The following SIRPB2 variants were observed in gnomAD, a reference collection of about 807,000 sequenced individuals.
SIRPB2 encodes the protein signal regulatory protein beta 2, also known as signal-regulatory protein beta-2.
In SIRPB2, 18 loss-of-function variants were observed where a neutral mutation model predicts 27.1. That is an observed-to-expected ratio of 0.66 (90% CI 0.46 to 0.98). The LOEUF (loss-of-function observed/expected upper bound fraction) is 0.98. SIRPB2 is among the 50% of genes least tolerant of loss of function. SIRPB2 has a pLI of 0.00. For missense variants in SIRPB2, 420 were observed against 417.4 expected (o/e 1.01, Z -0.06); for synonymous variants, 150 against 164.6 (o/e 0.91, Z 0.68).
At position 1,474,643 on chromosome 20, in the gene SIRPB2, A is replaced by T. The variant is rs1042487752; in HGVS notation, c.*1524T>A. The T allele has an allele frequency of 1.3e-5, 2 of 151,586 alleles. No homozygotes were observed. Among genetic ancestry groups the T allele is most frequent in the Non-Finnish European group, 2.9e-5 (2 of 68,120 alleles). The allele number at this position is 151,586 out of a possible 1,614,324, so 9.4% of individuals were successfully genotyped here. A position where few individuals can be genotyped will look rare whatever the true frequency, so the allele number is the denominator to read the frequency against. ...GGCTGGAGTGCAATGGCGCGATCTC[A>T]GCTCACTGCAGCCTCTGCCTCCCAG... is the stretch of plus-strand genomic sequence containing the variant. On this transcript the variant is annotated 3_prime_UTR_variant, in exon 5 of 5. Transcript: ENST00000359801.
intron 1 of SIRPB2, among the ~76,000 whole-genome samples, chr20:1,486,404 A>G (rs2090726939): frequency 6.6e-6 from 1 of 152,114 alleles, no homozygotes; most frequent in Non-Finnish European, 1.5e-5. Context: ...AAGAGATAAT[A>G]CCAATTTTAT....
intron 4 of SIRPB2, chr20:1,477,056 T>C: frequency 7.2e-7 from 1 of 1,395,800 alleles, no homozygotes; most frequent in Non-Finnish European, 9.4e-7. Flanking sequence ...AGCCTCACAG[T>C]GTGTCCCTAC....
rs530636619 is a variant in SIRPB2, at chr20:1,485,928, C to T, written c.85+5347G>A. ...CCTTGAAAAAGATACACTGCCAAAG[C>T]TTTCTCAAGAAGAAAAAGACAACCT... On this transcript the variant is annotated intron_variant, in intron 1 of 4. Coordinates refer to ENST00000359801, the MANE Select transcript of SIRPB2 (RefSeq NM_001122962.2). Among the ~76,000 whole-genome samples, 4 of 151,944 alleles carry T rather than the reference C, an allele frequency of 2.6e-5. No individual in the cohort carries two copies. The South Asian group carries it at 8.3e-4, about 31-fold the overall frequency.
chr20:1,477,134 G>T, intron 4 of SIRPB2: 1 of 1,535,250 alleles, frequency 6.5e-7, no homozygotes, highest in South Asian at 1.2e-5. Context: ...CATGGCCCTG[G>T]CTATGAGAAA....
At chr20:1,473,746 A>G, downstream of SIRPB2, 1 of 435,108 alleles carries the variant, frequency 2.3e-6, no homozygotes, top group South Asian at 1.6e-5. Context: ...CAGCTCATGC[A>G]GGGCCCTACA....
At chr20:1,477,314 C>A (rs779400821) in intron 4 of SIRPB2, 24 bp downstream of exon 4, 1 of 1,614,260 alleles carries the variant, frequency 6.2e-7, no homozygotes, top group South Asian at 1.1e-5. Flanking sequence ...GACTCATTGA[C>A]TCCACTGAGG....
chr20:1,490,840 A>C (rs1213739075), intron 1 of SIRPB2, among the ~76,000 whole-genome samples: 1 of 152,192 alleles, frequency 6.6e-6, no homozygotes, highest in African/African-American at 2.4e-5. Flanking sequence ...TGTGTTGCTC[A>C]ATACTTTTTG....
intron 4 of SIRPB2, 189 bp downstream of exon 4, chr20:1,477,149 G>A (rs756798552): frequency 1.2e-4 from 181 of 1,553,136 alleles, no homozygotes; most frequent in Non-Finnish European, 1.4e-4. Context: ...GAGAAAGTTC[G>A]TTATAGCTGA....
chr20:1,479,741 G>T lies in SIRPB2; in HGVS notation c.410C>A (p.Ser137Ter). 6.2e-7 allele frequency: 1 copy of T among 1,614,212 alleles called. No individual in the cohort carries two copies. The highest frequency in any genetic ancestry group is 8.5e-7 in the Non-Finnish European group (1 of 1,180,042). The change falls in exon 2 of 5, where the codon TCA (serine) becomes TAA (stop). Residue 137 changes from serine to a stop codon, truncating the protein, a stop_gained. Coordinates refer to ENST00000359801, the MANE Select transcript of SIRPB2 (RefSeq NM_001122962.2). LOFTEE classifies it high-confidence loss of function. ...CVRFDGLSEH[S>*]EMKSDEGTSV... The stretch of plus-strand genomic sequence containing the variant: ...GGTGCCTTCATCCGATTTCATTTCT[G>T]AGTGTTCACTCAAACCATCAAACCT...
chr20:1,487,515 CT>C (rs2090737807), intron 1 of SIRPB2, among the ~76,000 whole-genome samples: 2 of 152,188 alleles, frequency 1.3e-5, no homozygotes. Context: ...CTAATACCAC[CT>C]GCTTTCAAGA....
intron 1 of SIRPB2, among the ~76,000 whole-genome samples, chr20:1,489,835 T>C (rs1029779815): frequency 6.6e-6 from 1 of 152,222 alleles, no homozygotes; most frequent in South Asian, 2.1e-4. Context: ...CTGGGCCAGC[T>C]ACGTAATTTG....
chr20:1,486,001 T>A (rs6042550), intron 1 of SIRPB2, among the ~76,000 whole-genome samples: 22,935 of 151,816 alleles, frequency 0.15, 3,362 homozygotes, highest in African/African-American at 0.38. Context: ...ATTAAAAATC[T>A]TCCCAGAAAT....
At chr20:1,490,718 T>C (rs865859292) in intron 1 of SIRPB2, among the ~76,000 whole-genome samples, 46 of 152,204 alleles carry the variant, frequency 3.0e-4, no homozygotes, top group African/African-American at 1.1e-3. Context: ...GTGGTGAGGT[T>C]TGAGCCTACT....
intron 1 of SIRPB2, among the ~76,000 whole-genome samples, chr20:1,484,497 A>C (rs2123041891): frequency 6.6e-6 from 1 of 152,066 alleles, no homozygotes; most frequent in Middle Eastern, 3.4e-3. Flanking sequence ...AACTCAAACA[A>C]CTCAACAGTT....
rs868609693 is a variant in SIRPB2 at position 1,490,557 on chromosome 20, G to A, written c.85+718C>T. On this transcript the variant is annotated intron_variant, in intron 1 of 4. Transcript: ENST00000359801. Reference sequence around the variant, plus strand: ...AAACATGGGAATGATAATAATAATCGCCAAGAGTTATCAAATCTTTGTTAT... The same window carrying A: ...AAACATGGGAATGATAATAATAATCACCAAGAGTTATCAAATCTTTGTTAT... Among the ~76,000 whole-genome samples, 7 of 152,168 alleles carry A rather than the reference G, an allele frequency of 4.6e-5. No individual in the cohort carries two copies. In the South Asian group the frequency reaches 6.2e-4, roughly 13 times the overall value.
intron 1 of SIRPB2, among the ~76,000 whole-genome samples, chr20:1,487,307 C>T (rs1406708398): frequency 2.0e-5 from 3 of 152,042 alleles, no homozygotes; most frequent in African/African-American, 7.2e-5. Flanking sequence ...AAAATCAAGC[C>T]TAAATAAATA....
chr20:1,486,536 A>C lies in SIRPB2; in HGVS notation c.85+4739T>G, dbSNP rs566479088. ...AAAGGAAAATCAATATCTCTCATGA[A>C]CATAGATAAAAAATTTTACACAAAA... On this transcript the variant is annotated intron_variant, in intron 1 of 4. Coordinates refer to ENST00000359801, the MANE Select transcript of SIRPB2 (RefSeq NM_001122962.2). 2.3e-4 allele frequency among the ~76,000 whole-genome samples: 35 copies of C among 152,318 alleles called. No homozygotes were observed. The South Asian group carries it at 6.4e-3, about 28-fold the overall frequency.
intron 4 of SIRPB2, 64 bp from the exon 5 acceptor site, chr20:1,476,400 T>C: frequency 2.7e-6 from 4 of 1,507,142 alleles, no homozygotes; most frequent in Non-Finnish European, 3.6e-6. Flanking sequence ...CCACGCCTCA[T>C]TGCTGCCCAT....
chr20:1,477,227 G>T, intron 4 of SIRPB2, 111 bp downstream of exon 4: 1 of 1,612,962 alleles, frequency 6.2e-7, no homozygotes, highest in African/African-American at 1.3e-5. Context: ...AGCATTCTTG[G>T]TGGCAGGTTA....
Sources: allele counts gnomAD v4.1 joint callset (sites outside exome capture counted in the v4.1 genomes callset), GRCh38; gene constraint gnomAD v4.1.1; transcripts MANE v1.5; gene names NCBI Gene and HGNC (gene_info 2026-07-23, HGNC 2026-07-21).